Variants in ARHGEF10 observed in about 807,000 individuals in gnomAD.
ARHGEF10 encodes the protein Rho guanine nucleotide exchange factor (GEF) 10.
Under a neutral mutation model 147.4 loss-of-function variants are expected in ARHGEF10, and 140 were observed. That is an observed-to-expected ratio of 0.95 (90% CI 0.83 to 1.09). ARHGEF10 has a LOEUF of 1.09. ARHGEF10 is among the 50% of genes least tolerant of loss of function. The probability of loss-of-function intolerance (pLI) is 0.00; values close to 1 mark genes in which losing one functional copy is unlikely to be tolerated. For synonymous variants in ARHGEF10, 902 were observed against 695.8 expected (o/e 1.30, Z -4.67); for missense variants, 2,222 against 1,752.7 (o/e 1.27, Z -4.78).
intron 22 of ARHGEF10, among the ~76,000 whole-genome samples, chr8:1,925,748 G>C (rs1394036301): frequency 1.3e-5 from 2 of 152,108 alleles, no homozygotes; most frequent in African/African-American, 4.8e-5. Flanking sequence ...TTTCCACAGT[G>C]GATCGTAACT....
intron 1 of ARHGEF10, among the ~76,000 whole-genome samples, chr8:1,836,177 C>T (rs11984532): frequency 0.6 from 89,257 of 148,938 alleles, 27,050 homozygotes; most frequent in Middle Eastern, 0.72. Context: ...CAAGACTCTG[C>T]CATGGAAAAA....
chr8:1,898,646 T>C, intron 15 of ARHGEF10, 121 bp downstream of exon 15: 1 of 1,003,002 alleles, frequency 1.0e-6, no homozygotes, highest in Non-Finnish European at 1.5e-6. Flanking sequence ...ATCTCCTCTC[T>C]AGGCAGTTAC....
chr8:1,878,870 G>A (rs1807931015), intron 8 of ARHGEF10, among the ~76,000 whole-genome samples: 1 of 152,094 alleles, frequency 6.6e-6, no homozygotes, highest in African/African-American at 2.4e-5. Flanking sequence ...GGTTTGTGGT[G>A]CAGAATTACA....
At chr8:1,927,932 C>G (rs1812811541) in intron 23 of ARHGEF10, among the ~76,000 whole-genome samples, 1 of 151,916 alleles carries the variant, frequency 6.6e-6, no homozygotes, top group Non-Finnish European at 1.5e-5. Flanking sequence ...CAGAGTGAGA[C>G]TGTCTCCAAA....
intron 28 of ARHGEF10, among the ~76,000 whole-genome samples, chr8:1,953,145 G>A (rs529092361): frequency 6.6e-6 from 1 of 151,660 alleles, no homozygotes; most frequent in South Asian, 2.1e-4. Flanking sequence ...TCCTTTGTGT[G>A]TTTTATATTG....
chr8:1,874,137 A>G (rs1342777936), intron 7 of ARHGEF10, among the ~76,000 whole-genome samples: 1 of 152,254 alleles, frequency 6.6e-6, no homozygotes, highest in Non-Finnish European at 1.5e-5. Flanking sequence ...CAGGCATTCA[A>G]GAGGAAGTGA....
chr8:1,869,473 C>T, intron 7 of ARHGEF10: 1 of 664,844 alleles, frequency 1.5e-6, no homozygotes, highest in Non-Finnish European at 2.7e-6. Flanking sequence ...CTTACTTATC[C>T]CAAGCAAACA....
intron 7 of ARHGEF10, among the ~76,000 whole-genome samples, chr8:1,872,868 A>C (rs929224168): frequency 6.6e-6 from 1 of 152,242 alleles, no homozygotes; most frequent in Non-Finnish European, 1.5e-5. Flanking sequence ...GGGTGATTTC[A>C]TCCTGTTGAT....
At chr8:1,871,742 G>A (rs573847749) in intron 7 of ARHGEF10, among the ~76,000 whole-genome samples, 96 of 152,224 alleles carry the variant, frequency 6.3e-4, no homozygotes, top group Non-Finnish European at 8.7e-4. Flanking sequence ...ACTTGAACCC[G>A]GGAGGTGGAG....
At chr8:1,913,598 C>G in intron 18 of ARHGEF10, among the ~76,000 whole-genome samples, 1 of 152,346 alleles carries the variant, frequency 6.6e-6, no homozygotes, top group East Asian at 1.9e-4. Context: ...GGACCAGCAT[C>G]TACCTGGTCC....
chr8:1,912,936 G>A (rs1233779847), intron 18 of ARHGEF10, among the ~76,000 whole-genome samples: 1 of 152,170 alleles, frequency 6.6e-6, no homozygotes. Context: ...CTTTGTTGGT[G>A]CACTCCACCC....
chr8:1,954,315 A>G (rs1815304557), intron 28 of ARHGEF10, among the ~76,000 whole-genome samples: 2 of 152,192 alleles, frequency 1.3e-5, no homozygotes, highest in Middle Eastern at 3.4e-3. Flanking sequence ...GCTGGTCTCG[A>G]ACTCCTGAAC....
chr8:1,932,541 G>A (rs1000660576), intron 25 of ARHGEF10, among the ~76,000 whole-genome samples: 8 of 152,344 alleles, frequency 5.3e-5, no homozygotes, highest in African/African-American at 1.9e-4. Flanking sequence ...TGTGTGTTGT[G>A]CATGGGTGCA....
chr8:1,874,390 C>G (rs1211792067), intron 7 of ARHGEF10, among the ~76,000 whole-genome samples: 1 of 152,158 alleles, frequency 6.6e-6, no homozygotes, highest in Non-Finnish European at 1.5e-5. Flanking sequence ...TAGACTCTTG[C>G]CAACTGCTGT....
intron 11 of ARHGEF10, among the ~76,000 whole-genome samples, chr8:1,890,138 G>T (rs936087233): frequency 3.4e-5 from 1 of 29,684 alleles, no homozygotes; most frequent in Non-Finnish European, 6.8e-5. Flanking sequence ...ACGGAGTGGG[G>T]TGAGGGTTTG....
rs750559773 is a variant in ARHGEF10 at position 1,876,554 on chromosome 8, G to A, written c.680-17G>A. ...AATTCTAAAGTTTTAATTTCATTTT[G>A]GAATTTATGCACTCAGATGAAATGA... On this transcript the variant is annotated splice_polypyrimidine_tract_variant and intron_variant, in intron 7 of 28. Transcript: ENST00000349830. The A allele has an allele frequency of 3.7e-6, 6 of 1,612,706 alleles. No individual in the cohort carries two copies. The African/African-American group carries it at 8.0e-5, about 22-fold the overall frequency.
intron 16 of ARHGEF10, chr8:1,903,733 A>T: frequency 2.0e-6 from 1 of 505,402 alleles, no homozygotes; most frequent in South Asian, 2.2e-5. Context: ...GTTAAGAGCA[A>T]CTCCTTTAGC....
intron 18 of ARHGEF10, among the ~76,000 whole-genome samples, chr8:1,920,615 A>T (rs1812213040): frequency 6.6e-6 from 1 of 152,162 alleles, no homozygotes; most frequent in Non-Finnish European, 1.5e-5. Flanking sequence ...GGCATCAGTT[A>T]CCACAACCAG....
chr8:1,923,915 T>A (rs1205512312), intron 21 of ARHGEF10, 41 bp downstream of exon 21: 3 of 1,581,366 alleles, frequency 1.9e-6, no homozygotes, highest in Non-Finnish European at 2.6e-6. Context: ...GCATGCGGCG[T>A]GATGATGAAT....
Sources: allele counts gnomAD v4.1 joint callset (sites outside exome capture counted in the v4.1 genomes callset), GRCh38; gene constraint gnomAD v4.1.1; transcripts MANE v1.5; gene names NCBI Gene and HGNC (gene_info 2026-07-23, HGNC 2026-07-21).